OSBPL10: variants seen among roughly 807,000 people sequenced by gnomAD.
OSBPL10 encodes the protein oxysterol binding protein like 10.
A neutral mutation model predicts 81.7 loss-of-function variants in OSBPL10; 49 were observed. The observed-to-expected ratio is 0.60, with a 90% CI of 0.48 to 0.76. The LOEUF (loss-of-function observed/expected upper bound fraction) is 0.76, where lower values mean the gene tolerates loss of function less well. Among genes scored for constraint, OSBPL10 ranks in the 30% least tolerant of loss-of-function variants. The probability of loss-of-function intolerance (pLI) is 0.00; values close to 1 mark genes in which losing one functional copy is unlikely to be tolerated. For synonymous variants in OSBPL10, 419 were observed against 383.6 expected (o/e 1.09, Z -1.08); for missense variants, 923 against 987.8 (o/e 0.93, Z 0.88).
intron 1 of OSBPL10, among the ~76,000 whole-genome samples, chr3:31,897,803 T>C (rs1696099062): frequency 6.6e-6 from 1 of 150,442 alleles, no homozygotes; most frequent in South Asian, 2.1e-4. Context: ...AGGTCAGGAG[T>C]TCGAGACCAG....
chr3:31,780,530 T>G (rs781459541), intron 4 of OSBPL10, among the ~76,000 whole-genome samples: 25 of 150,708 alleles, frequency 1.7e-4, no homozygotes, highest in Non-Finnish European at 3.6e-4. Flanking sequence ...GCTAGTTCTT[T>G]GAAAAGATAA....
chr3:31,693,007 A>T (rs1459880961), intron 7 of OSBPL10, among the ~76,000 whole-genome samples: 1 of 152,210 alleles, frequency 6.6e-6, no homozygotes, highest in Non-Finnish European at 1.5e-5. Context: ...TTACACAGAC[A>T]AGCTTAGGGA....
chr3:32,026,642 T>C (rs1035729603), intron 2 of OSBPL10, among the ~76,000 whole-genome samples: 6 of 152,204 alleles, frequency 3.9e-5, no homozygotes, highest in Non-Finnish European at 7.3e-5. Context: ...CTACCGTTAA[T>C]ATCTGCATTA....
At chr3:32,055,707 C>G (rs1332167477) in intron 1 of OSBPL10, among the ~76,000 whole-genome samples, 1 of 152,140 alleles carries the variant, frequency 6.6e-6, no homozygotes, top group Non-Finnish European at 1.5e-5. Context: ...GCCTGCTTTC[C>G]TTTAAGGAAT....
intron 1 of OSBPL10, among the ~76,000 whole-genome samples, chr3:31,900,362 T>G (rs1212107097): frequency 6.6e-6 from 1 of 152,174 alleles, no homozygotes; most frequent in African/African-American, 2.4e-5. Flanking sequence ...CCATTTACCA[T>G]ATCATTGCCC....
At chr3:32,076,037 A>G (rs1699872495) in intron 1 of OSBPL10, among the ~76,000 whole-genome samples, 2 of 152,124 alleles carry the variant, frequency 1.3e-5, no homozygotes, top group South Asian at 4.1e-4. Context: ...CCTGCAAAAC[A>G]TTGCTCCTAA....
intron 6 of OSBPL10, among the ~76,000 whole-genome samples, chr3:31,705,880 G>A (rs1038783557): frequency 3.9e-5 from 6 of 152,028 alleles, no homozygotes; most frequent in Non-Finnish European, 8.8e-5. Flanking sequence ...GTGAGAAACG[G>A]TTTCATACTG....
intron 1 of OSBPL10, among the ~76,000 whole-genome samples, chr3:32,063,370 G>C (rs961973176): frequency 4.3e-5 from 4 of 92,238 alleles, no homozygotes; most frequent in African/African-American, 1.1e-4. Flanking sequence ...AAGGCTTCTA[G>C]GTAGAAGTTC....
chr3:32,073,117 G>A (rs925733741), intron 1 of OSBPL10, among the ~76,000 whole-genome samples: 2 of 152,090 alleles, frequency 1.3e-5, no homozygotes, highest in African/African-American at 2.4e-5. Flanking sequence ...CTCAGAATTC[G>A]AGCCTGTCCT....
At chr3:31,847,114 T>G (rs1700652638) in intron 3 of OSBPL10, among the ~76,000 whole-genome samples, 1 of 151,760 alleles carries the variant, frequency 6.6e-6, no homozygotes, top group Non-Finnish European at 1.5e-5. Flanking sequence ...CATTCTCCCC[T>G]TTCTCATTAC....
At chr3:31,925,135 TTG>T (rs1016355541) in intron 1 of OSBPL10, among the ~76,000 whole-genome samples, 2 of 152,156 alleles carry the variant, frequency 1.3e-5, no homozygotes, top group Non-Finnish European at 2.9e-5. Context: ...GTAGTAGTAC[TTG>T]GGAGCAGCAT....
At chr3:32,003,843 A>G (rs968932185) in intron 2 of OSBPL10, among the ~76,000 whole-genome samples, 5 of 152,140 alleles carry the variant, frequency 3.3e-5, no homozygotes, top group South Asian at 4.1e-4. Context: ...CAAGGTGGAA[A>G]AGGGAGAACA....
At chr3:31,967,383 G>A (rs911895825) in intron 1 of OSBPL10, among the ~76,000 whole-genome samples, 6 of 152,098 alleles carry the variant, frequency 3.9e-5, no homozygotes, top group African/African-American at 9.7e-5. Flanking sequence ...GGGAGGCTGA[G>A]GCAGGAGGAT....
chr3:31,986,598 G>A (rs1015818372), intron 2 of OSBPL10, among the ~76,000 whole-genome samples: 1 of 151,914 alleles, frequency 6.6e-6, no homozygotes, highest in Admixed American at 6.6e-5. Flanking sequence ...ACAAAAAAAA[G>A]TTTATATTTT....
At chr3:32,021,362 G>C (rs1699362317) in intron 2 of OSBPL10, among the ~76,000 whole-genome samples, 1 of 152,180 alleles carries the variant, frequency 6.6e-6, no homozygotes, top group South Asian at 2.1e-4. Context: ...CATTTCTCTT[G>C]TGTATATTCC....
chr3:31,713,358 C>T (rs572694112), intron 6 of OSBPL10, among the ~76,000 whole-genome samples: 1 of 151,774 alleles, frequency 6.6e-6, no homozygotes, highest in Non-Finnish European at 1.5e-5. Context: ...ATCCATATCC[C>T]CCTCACTTCA....
intron 1 of OSBPL10, among the ~76,000 whole-genome samples, chr3:31,886,628 T>C (rs1695744094): frequency 6.6e-6 from 1 of 152,196 alleles, no homozygotes; most frequent in Admixed American, 6.5e-5. Flanking sequence ...ATGGCAACTA[T>C]GCCATGTTCT....
intron 7 of OSBPL10, among the ~76,000 whole-genome samples, chr3:31,687,480 T>A (rs1319648990): frequency 1.3e-5 from 2 of 150,826 alleles, no homozygotes; most frequent in African/African-American, 2.5e-5. Flanking sequence ...AAAAAAAAAA[T>A]AAGTAAATAA....
intron 4 of OSBPL10, among the ~76,000 whole-genome samples, chr3:31,809,694 T>C (rs34106291): frequency 0.07 from 10,581 of 152,144 alleles, 440 homozygotes; most frequent in Middle Eastern, 0.092. Context: ...TAAAGTATTG[T>C]AGTTCTGGAA....
Sources: gnomAD v4.1 joint callset for allele counts (sites outside exome capture counted in the v4.1 genomes callset) on GRCh38, gnomAD v4.1.1 for gene constraint, MANE v1.5 for transcripts, NCBI Gene and HGNC (gene_info 2026-07-23, HGNC 2026-07-21) for gene names.